SPAST: variants seen among roughly 807,000 people sequenced by gnomAD.
SPAST encodes spastin.
In SPAST, 30 loss-of-function variants were observed where a neutral mutation model predicts 76.6. The observed-to-expected ratio is 0.39, with a 90% CI of 0.29 to 0.53. The LOEUF is 0.53. Among genes scored for constraint, SPAST ranks in the 20% least tolerant of loss-of-function variants. The pLI, the probability that SPAST is intolerant of heterozygous loss-of-function variation, is 0.68. For synonymous variants in SPAST, 305 were observed against 281.0 expected, an observed-to-expected ratio of 1.09 and a Z score of -0.86; for missense variants, 717 against 770.5, an observed-to-expected ratio of 0.93 and a Z score of 0.82.
chr2:32,110,822 G>GTATACTATATAT (rs1678557674), intron 4 of SPAST, among the ~76,000 whole-genome samples: 4 of 113,344 alleles, frequency 3.5e-5, no homozygotes, highest in African/African-American at 1.3e-4. Flanking sequence ...ATAGTATATA[G>GTATACTATATAT]AGTATATATA....
intron 1 of SPAST, among the ~76,000 whole-genome samples, chr2:32,064,677 T>G (rs2280967): frequency 1.3e-5 from 2 of 151,974 alleles, no homozygotes; most frequent in African/African-American, 4.8e-5. Context: ...AAGCAGAGTA[T>G]TGTAGTGTCA....
intron 7 of SPAST, among the ~76,000 whole-genome samples, chr2:32,118,653 C>G (rs967297253): frequency 2.6e-5 from 4 of 152,126 alleles, no homozygotes; most frequent in Non-Finnish European, 4.4e-5. Context: ...GATAAAGAAA[C>G]TAGTCCTAAG....
At chr2:32,151,785 C>T (rs1200930838) in intron 16 of SPAST, among the ~76,000 whole-genome samples, 5 of 152,012 alleles carry the variant, frequency 3.3e-5, no homozygotes, top group Non-Finnish European at 7.4e-5. Context: ...TGGCACATGC[C>T]TGTAATCCCA....
chr2:32,129,207 T>G (rs1679290489), intron 9 of SPAST: 1 of 152,086 alleles, frequency 6.6e-6, no homozygotes, highest in South Asian at 2.1e-4. Context: ...TTTCTGGCCT[T>G]CTGATTCTGA....
rs148901250 is a variant in SPAST at position 32,153,318 on chromosome 2, ATTTTTT to A, written c.1729-1038_1729-1033del. Among the ~76,000 whole-genome samples, 51 of 79,248 alleles carry A rather than the reference ATTTTTT, an allele frequency of 6.4e-4. 1 individual carries two copies. The East Asian group carries it at 0.016, about 25-fold the overall frequency. The allele number at this position is 79,248 out of a possible 152,430, so 52.0% of individuals were successfully genotyped here. A position where few individuals can be genotyped will look rare whatever the true frequency, so the allele number is the denominator to read the frequency against. ...TTATGCCAAACTGCATTTTGCCTTAATTTTTTTTTTTTTTTTTTTTTTTGAGAGGGA... is the reference window on the plus strand; with the variant it reads ...TTATGCCAAACTGCATTTTGCCTTAATTTTTTTTTTTTTTTTTGAGAGGGA... On this transcript the variant is annotated intron_variant, in intron 16 of 16. Transcript: ENST00000315285.
chr2:32,108,675 T>A lies in SPAST; in HGVS notation c.683-5963T>A, dbSNP rs1403227830. Reference sequence around the variant, plus strand: ...CATGTTGGCCAGTCTGGTCTCAAACTCCTGGGCTCAATCATTTCTGCCGCC... The same window carrying A: ...CATGTTGGCCAGTCTGGTCTCAAACACCTGGGCTCAATCATTTCTGCCGCC... On this transcript the variant is annotated intron_variant, in intron 4 of 16. Coordinates refer to ENST00000315285, the MANE Select transcript of SPAST (RefSeq NM_014946.4). Among the ~76,000 whole-genome samples, 3 of 149,942 alleles carry A rather than the reference T, an allele frequency of 2.0e-5. 1 individual carries two copies. The East Asian group carries it at 6.1e-4, about 30-fold the overall frequency.
rs72863928 is a variant in SPAST at position 32,145,490 on chromosome 2, T to G, written c.1687+483T>G. 2.9e-3 allele frequency among the ~76,000 whole-genome samples: 447 copies of G among 152,286 alleles called. 4 individuals carry two copies. Among genetic ancestry groups the G allele is most frequent in the African/African-American group, 0.01 (423 of 41,568 alleles). ...CTAGGCAAGAGGTTTCATTTCTTGA[T>G]AGTAAGTAAGCAGCAGAAAACTCAA... On this transcript the variant is annotated intron_variant, in intron 15 of 16. Coordinates refer to ENST00000315285, the MANE Select transcript of SPAST (RefSeq NM_014946.4).
intron 8 of SPAST, chr2:32,127,428 T>A (rs1679232833): frequency 5.3e-6 from 1 of 187,390 alleles, no homozygotes; most frequent in South Asian, 1.1e-4. Context: ...GATACACTTT[T>A]AAGTTTTTCA....
At chr2:32,148,591 C>T (rs371039751) in intron 16 of SPAST, among the ~76,000 whole-genome samples, 39 of 151,850 alleles carry the variant, frequency 2.6e-4, no homozygotes, top group East Asian at 2.1e-3. Flanking sequence ...GGGCGGATCA[C>T]GAGGTCAGGA....
chr2:32,089,738 C>A, intron 3 of SPAST, 133 bp downstream of exon 3: 2 of 643,804 alleles, frequency 3.1e-6, no homozygotes, highest in Non-Finnish European at 5.6e-6. Context: ...AAACGTATAA[C>A]ATATACAAAA....
chr2:32,088,641 T>C (rs1267432633), intron 2 of SPAST, among the ~76,000 whole-genome samples: 6 of 152,166 alleles, frequency 3.9e-5, no homozygotes, highest in Non-Finnish European at 8.8e-5. Context: ...TGAAACTCTG[T>C]CTCAGAAAGA....
chr2:32,089,767 C>A (rs1240149058), intron 3 of SPAST, among the ~76,000 whole-genome samples, 162 bp downstream of exon 3: 1 of 151,742 alleles, frequency 6.6e-6, no homozygotes, highest in Non-Finnish European at 1.5e-5. Context: ...GCATAATGGA[C>A]TTCTTTTTTT....
At chr2:32,150,763 T>C (rs1344901929) in intron 16 of SPAST, among the ~76,000 whole-genome samples, 1 of 152,134 alleles carries the variant, frequency 6.6e-6, no homozygotes, top group East Asian at 1.9e-4. Flanking sequence ...AAAAATATAA[T>C]TTTATCCACC....
intron 4 of SPAST, among the ~76,000 whole-genome samples, chr2:32,103,554 A>G (rs1003378844): frequency 6.6e-6 from 1 of 151,828 alleles, no homozygotes; most frequent in East Asian, 1.9e-4. Flanking sequence ...TTTAATGGTG[A>G]TGTTAGGGTG....
chr2:32,086,148 A>G (rs1283894182), intron 1 of SPAST, among the ~76,000 whole-genome samples: 1 of 151,822 alleles, frequency 6.6e-6, no homozygotes, highest in African/African-American at 2.4e-5. Context: ...TAGTATGGAA[A>G]TTTTTGTTTG....
intron 1 of SPAST, among the ~76,000 whole-genome samples, chr2:32,083,903 T>G (rs1282063945): frequency 1.3e-5 from 2 of 149,380 alleles, no homozygotes; most frequent in Admixed American, 6.8e-5. Flanking sequence ...CTCAGCTTCC[T>G]GAGTAGCTGG....
rs931166297 is a variant in SPAST at position 32,104,700 on chromosome 2, T to C, written c.682+5809T>C. Among the ~76,000 whole-genome samples the C allele has an allele frequency of 5.9e-5, 9 of 152,204 alleles. 1 individual carries two copies. The highest frequency in any genetic ancestry group is 1.2e-4 in the Non-Finnish European group (8 of 68,030). ...TGTCTTTAAAGGATTTTATTTCTCC[T>C]TCACTTATGAAGCTTAGTTTGGCTG... On this transcript the variant is annotated intron_variant, in intron 4 of 16. Coordinates refer to ENST00000315285, the MANE Select transcript of SPAST (RefSeq NM_014946.4).
At position 32,143,346 on chromosome 2, in the gene SPAST, T is replaced by C. The variant is rs762510240; in HGVS notation, c.1547T>C (p.Leu516Pro). The C allele has an allele frequency of 6.3e-7, 1 of 1,584,980 alleles. No individual in the cohort carries two copies. The highest frequency in any genetic ancestry group is 2.2e-5 in the East Asian group (1 of 44,662). The change falls in exon 14 of 17, where the codon CTT becomes CCT. Residue 516 changes from leucine to proline, a missense_variant. Leu to Pro is a moderately conservative substitution (Grantham distance 98). Coordinates refer to ENST00000315285, the MANE Select transcript of SPAST (RefSeq NM_014946.4). ...VSLPNEETRLLLLKNLLCKQG... is the reference protein window; with the variant it reads ...VSLPNEETRLPLLKNLLCKQG... Reference sequence around the variant, plus strand: ...TTTAATATTTTTCAGACAAGACTACTTTTGCTTAAAAATCTGTTATGTAAA... The same window carrying C: ...TTTAATATTTTTCAGACAAGACTACCTTTGCTTAAAAATCTGTTATGTAAA...
intron 7 of SPAST, chr2:32,126,651 T>G (rs976302444): frequency 8.1e-5 from 18 of 222,458 alleles, no homozygotes; most frequent in Non-Finnish European, 1.2e-4. Flanking sequence ...GCTAATTTTT[T>G]TTTTTTTTAA....
Sources: gnomAD v4.1 joint callset for allele counts (sites outside exome capture counted in the v4.1 genomes callset) on GRCh38, gnomAD v4.1.1 for gene constraint, MANE v1.5 for transcripts, NCBI Gene and HGNC (gene_info 2026-07-23, HGNC 2026-07-21) for gene names.